The following STARD13 variants were observed in gnomAD, a reference collection of about 807,000 sequenced individuals.
STARD13 encodes the protein stAR-related lipid transfer protein 13.
STARD13 carries 62 observed loss-of-function variants against 106.4 expected under a neutral mutation model. The observed-to-expected ratio is 0.58, with a 90% CI of 0.48 to 0.72. The LOEUF (loss-of-function observed/expected upper bound fraction) is 0.72, where lower values mean the gene tolerates loss of function less well. STARD13 is among the 30% of genes least tolerant of loss of function. The probability of loss-of-function intolerance (pLI) is 0.00; values close to 1 mark genes in which losing one functional copy is unlikely to be tolerated. For synonymous variants in STARD13, 565 were observed against 553.0 expected (o/e 1.02, Z -0.31); for missense variants, 1,387 against 1,424.0 (o/e 0.97, Z 0.42).
the STARD13 span, among the ~76,000 whole-genome samples, chr13:33,529,564 A>G: frequency 6.6e-6 from 1 of 152,194 alleles, no homozygotes; most frequent in Non-Finnish European, 1.5e-5. Context: ...ACAAAAATAA[A>G]TATAACATAT....
intron 4 of STARD13, chr13:33,138,902 G>A (rs372396730): frequency 1.5e-5 from 7 of 464,654 alleles, no homozygotes; most frequent in East Asian, 1.3e-4. Flanking sequence ...GGAGGGTAGC[G>A]GTGTTGTCAT....
the STARD13 span, among the ~76,000 whole-genome samples, chr13:33,568,018 GT>G: frequency 1.8e-4 from 26 of 143,780 alleles, 3 homozygotes; most frequent in East Asian, 3.8e-3. Flanking sequence ...ATGGATAATG[GT>G]ATTTAGGGAT....
intron 1 of STARD13, among the ~76,000 whole-genome samples, chr13:33,252,133 T>A (rs1890121212): frequency 6.6e-6 from 1 of 152,258 alleles, no homozygotes; most frequent in Non-Finnish European, 1.5e-5. Context: ...CATCTTCTAA[T>A]TCAATTTATT....
chr13:33,181,013 G>A lies in STARD13; in HGVS notation c.170-13391C>T, dbSNP rs575127614. 2.0e-5 allele frequency among the ~76,000 whole-genome samples: 3 copies of A among 152,202 alleles called. No individual in the cohort carries two copies. In the South Asian group the frequency reaches 6.2e-4, roughly 32 times the overall value. Reference sequence around the variant, plus strand: ...CTGGGGTTTTTAGATATAATTGAGAGGCCTGGGAAACCCTTTGTATGCAAA... The same window carrying A: ...CTGGGGTTTTTAGATATAATTGAGAAGCCTGGGAAACCCTTTGTATGCAAA... On this transcript the variant is annotated intron_variant, in intron 1 of 13. Transcript: ENST00000336934.
At chr13:33,669,297 A>G in the STARD13 span, among the ~76,000 whole-genome samples, 2 of 152,190 alleles carry the variant, frequency 1.3e-5, no homozygotes, top group Admixed American at 1.3e-4. Context: ...CTAAGTAGAT[A>G]AATGTAGTTC....
chr13:33,339,293 G>A (rs78141984), intron 1 of STARD13, among the ~76,000 whole-genome samples: 4 of 152,142 alleles, frequency 2.6e-5, no homozygotes, highest in Non-Finnish European at 4.4e-5. Context: ...CCACTAGATC[G>A]TGATGCTGTG....
the STARD13 span, among the ~76,000 whole-genome samples, chr13:33,663,254 G>T: frequency 1.3e-5 from 2 of 151,790 alleles, no homozygotes; most frequent in South Asian, 4.2e-4. Context: ...CCTGGCCAAC[G>T]ATATTCTTTC....
chr13:33,549,801 T>C, the STARD13 span, among the ~76,000 whole-genome samples: 2 of 152,212 alleles, frequency 1.3e-5, no homozygotes, highest in African/African-American at 4.8e-5. Flanking sequence ...TTTTTTCTCA[T>C]GTGACATATA....
At chr13:33,403,976 T>C in the STARD13 span, among the ~76,000 whole-genome samples, 1 of 152,242 alleles carries the variant, frequency 6.6e-6, no homozygotes, top group Non-Finnish European at 1.5e-5. Flanking sequence ...GTGCTATTAA[T>C]AGGGCAGTTC....
the STARD13 span, among the ~76,000 whole-genome samples, chr13:33,468,002 T>C: frequency 1.3e-5 from 2 of 152,142 alleles, no homozygotes; most frequent in Non-Finnish European, 2.9e-5. Flanking sequence ...AAGATAAAAT[T>C]GATGCATCAT....
At chr13:33,395,672 G>A in the STARD13 span, among the ~76,000 whole-genome samples, 1 of 152,086 alleles carries the variant, frequency 6.6e-6, no homozygotes, top group Non-Finnish European at 1.5e-5. Context: ...AAATAAGTGA[G>A]ACTATGCTAG....
At chr13:33,561,140 C>T in the STARD13 span, among the ~76,000 whole-genome samples, 1 of 150,926 alleles carries the variant, frequency 6.6e-6, no homozygotes, top group Admixed American at 6.6e-5. Context: ...AGTATTAATC[C>T]AGATAACTTG....
the STARD13 span, among the ~76,000 whole-genome samples, chr13:33,412,778 A>G: frequency 1.3e-5 from 2 of 152,216 alleles, no homozygotes; most frequent in African/African-American, 4.8e-5. Flanking sequence ...TTAAATGCAT[A>G]TGTGTCAAAA....
chr13:33,658,010 C>T, the STARD13 span, among the ~76,000 whole-genome samples: 1 of 152,162 alleles, frequency 6.6e-6, no homozygotes, highest in South Asian at 2.1e-4. Flanking sequence ...CACCATCAGC[C>T]ATCTCCAGAA....
rs112669066 is a variant in STARD13 at position 33,222,334 on chromosome 13, T to C, written c.170-54712A>G. Among the ~76,000 whole-genome samples, 971 of 152,272 alleles carry C rather than the reference T, an allele frequency of 6.4e-3. 11 individuals are homozygous for C. The highest frequency in any genetic ancestry group is 0.022 in the African/African-American group (921 of 41,552). On this transcript the variant is annotated intron_variant, in intron 1 of 13. Transcript: ENST00000336934. ...GAATGGAGATTGGAGAGTTGTTTAA[T>C]GGGCATAGAGTTTCAGTTTTGCAAG... is the stretch of plus-strand genomic sequence containing the variant.
At chr13:33,407,194 T>C in the STARD13 span, among the ~76,000 whole-genome samples, 8 of 152,220 alleles carry the variant, frequency 5.3e-5, no homozygotes, top group Non-Finnish European at 1.0e-4. Context: ...TCTCTGAATC[T>C]GTATTTCTAA....
chr13:33,342,857 C>T (rs1368257220), intron 1 of STARD13, among the ~76,000 whole-genome samples: 1 of 152,216 alleles, frequency 6.6e-6, no homozygotes, highest in Non-Finnish European at 1.5e-5. Context: ...TGCGTATGTA[C>T]TAATAGTACT....
chr13:33,271,988 A>G (rs1010188397), intron 1 of STARD13, among the ~76,000 whole-genome samples: 1 of 152,220 alleles, frequency 6.6e-6, no homozygotes, highest in African/African-American at 2.4e-5. Flanking sequence ...GACTTTGGGA[A>G]AGTTTATTTA....
chr13:33,246,694 A>T (rs530398529), intron 1 of STARD13, among the ~76,000 whole-genome samples: 1 of 152,332 alleles, frequency 6.6e-6, no homozygotes, highest in Non-Finnish European at 1.5e-5. Flanking sequence ...AAAAATATTG[A>T]TGACCATAAA....
Sources: allele counts gnomAD v4.1 joint callset (sites outside exome capture counted in the v4.1 genomes callset), GRCh38; gene constraint gnomAD v4.1.1; transcripts MANE v1.5; gene names NCBI Gene and HGNC (gene_info 2026-07-23, HGNC 2026-07-21).